PCDH7: variants seen among roughly 807,000 people sequenced by gnomAD.
PCDH7 encodes the protein protocadherin-7.
A neutral mutation model predicts 58.9 loss-of-function variants in PCDH7; 17 were observed. The ratio of observed to expected loss-of-function variants is 0.29; its 90% CI spans 0.20 to 0.43. PCDH7 has a LOEUF of 0.43. Ranked by LOEUF, PCDH7 falls within the 20% of genes least tolerant of loss-of-function variation. The pLI, the probability that PCDH7 is intolerant of heterozygous loss-of-function variation, is 1.00. For missense variants in PCDH7, 1,274 were observed against 1,441.0 expected (o/e 0.88, Z 1.88); for synonymous variants, 664 against 616.4 (o/e 1.08, Z -1.14).
intron 3 of PCDH7, among the ~76,000 whole-genome samples, chr4:31,018,373 G>A (rs1753775399): frequency 6.6e-6 from 1 of 152,124 alleles, no homozygotes; most frequent in South Asian, 2.1e-4. Context: ...ATCTATCTAA[G>A]ACAACATTCT....
At chr4:30,828,833 G>GT (rs1209096895) in intron 1 of PCDH7, among the ~76,000 whole-genome samples, 361 of 147,254 alleles carry the variant, frequency 2.5e-3, no homozygotes, top group Admixed American at 3.7e-3. Context: ...TGGCCCTGAG[G>GT]TTTTTTTTTT....
intron 1 of PCDH7, chr4:30,725,047 G>A: frequency 1.0e-6 from 1 of 1,004,448 alleles, no homozygotes; most frequent in Non-Finnish European, 1.2e-6. Flanking sequence ...AGAAGTTTTA[G>A]CTATGTTATT....
At chr4:30,814,211 G>T (rs938779945) in intron 1 of PCDH7, among the ~76,000 whole-genome samples, 4 of 151,950 alleles carry the variant, frequency 2.6e-5, no homozygotes, top group Non-Finnish European at 4.4e-5. Flanking sequence ...GTGTTTGTGT[G>T]TGTGTGTATA....
At chr4:31,066,075 C>T (rs1366153906) in intron 3 of PCDH7, among the ~76,000 whole-genome samples, 1 of 151,874 alleles carries the variant, frequency 6.6e-6, no homozygotes, top group Non-Finnish European at 1.5e-5. Flanking sequence ...GATCACCATC[C>T]TGTTTCATAT....
chr4:31,057,228 A>G (rs1348723130), intron 3 of PCDH7, among the ~76,000 whole-genome samples: 2 of 152,190 alleles, frequency 1.3e-5, no homozygotes, highest in East Asian at 1.9e-4. Flanking sequence ...TACACCTAGC[A>G]GAAATTGACT....
intron 1 of PCDH7, among the ~76,000 whole-genome samples, chr4:30,846,523 A>G (rs767885537): frequency 5.9e-5 from 9 of 151,332 alleles, no homozygotes; most frequent in Middle Eastern, 3.4e-3. Context: ...GGTCTGTGGT[A>G]TTATGTTATA....
At chr4:30,750,500 G>C (rs1718366220) in intron 1 of PCDH7, among the ~76,000 whole-genome samples, 1 of 152,016 alleles carries the variant, frequency 6.6e-6, no homozygotes, top group Non-Finnish European at 1.5e-5. Context: ...ATTCAACTCT[G>C]TGAATCTGTG....
intron 1 of PCDH7, among the ~76,000 whole-genome samples, chr4:30,804,447 G>A (rs1725922726): frequency 6.6e-6 from 1 of 152,028 alleles, no homozygotes; most frequent in African/African-American, 2.4e-5. Flanking sequence ...GCTGAGGCAG[G>A]GGAATCGCTT....
intron 1 of PCDH7, among the ~76,000 whole-genome samples, chr4:30,750,783 G>A (rs1005446412): frequency 6.6e-5 from 10 of 151,994 alleles, no homozygotes; most frequent in African/African-American, 2.2e-4. Flanking sequence ...TGCCCACCCC[G>A]AAGCAGCTTT....
chr4:30,764,927 G>C (rs111929048), intron 1 of PCDH7, among the ~76,000 whole-genome samples: 55 of 151,992 alleles, frequency 3.6e-4, no homozygotes, highest in African/African-American at 1.3e-3. Flanking sequence ...CACCACGTTG[G>C]TCAGGATGGT....
chr4:30,933,880 T>C (rs1046384617), intron 2 of PCDH7, among the ~76,000 whole-genome samples: 15 of 152,204 alleles, frequency 9.9e-5, no homozygotes, highest in Non-Finnish European at 1.9e-4. Flanking sequence ...CTCGAGGAAA[T>C]GGAGTTTTAG....
Position 30,923,982 on chromosome 4 carries a change from C to G in PCDH7, c.287+3613C>G, listed in dbSNP as rs1019958063. Among the ~76,000 whole-genome samples, 9 of 152,094 alleles carry G rather than the reference C, an allele frequency of 5.9e-5. No individual in the cohort carries two copies. The South Asian group carries it at 1.7e-3, about 28-fold the overall frequency. On this transcript the variant is annotated intron_variant, in intron 2 of 3. Transcript: ENST00000509759. The stretch of plus-strand genomic sequence containing the variant: ...ATGGATTGGTAATTCAAGTTAAAAA[C>G]CAAACATTAGGCTTAAAAGCACCAT...
In PCDH7 at chr4:30,722,479, T is replaced by A; in HGVS notation, c.1057T>A (p.Ser353Thr). 1 of 1,609,018 alleles carries A rather than the reference T, an allele frequency of 6.2e-7. No individual in the cohort carries two copies. The highest frequency in any genetic ancestry group is 8.5e-7 in the Non-Finnish European group (1 of 1,178,044). ...ATACGTGTTCGGGGCGGCCACCGAG[T>A]CGGTGAGGCGGCTGCTGCGCCTTGA... is the stretch of plus-strand genomic sequence containing the variant. The change falls in exon 1 of 2, where the codon TCG becomes ACG. Residue 353 changes from serine (S) to threonine (T), a missense_variant. Transcript: ENST00000361762. The surrounding 1 kb of genome is among the most constrained non-coding windows in gnomAD (Gnocchi z 7.6).
At chr4:31,045,625 T>G (rs1307902033) in intron 3 of PCDH7, among the ~76,000 whole-genome samples, 2 of 152,012 alleles carry the variant, frequency 1.3e-5, no homozygotes, top group Non-Finnish European at 2.9e-5. Context: ...TAATAAAATA[T>G]TTTTGGTTGA....
intron 1 of PCDH7, among the ~76,000 whole-genome samples, chr4:30,859,822 A>G (rs1351209569): frequency 1.3e-5 from 2 of 152,184 alleles, no homozygotes; most frequent in Non-Finnish European, 2.9e-5. Context: ...AAAAGCCAAC[A>G]GGACTTTGCT....
intron 1 of PCDH7, among the ~76,000 whole-genome samples, chr4:30,728,711 T>C (rs1715006490): frequency 1.3e-5 from 2 of 151,790 alleles, no homozygotes; most frequent in South Asian, 4.1e-4. Flanking sequence ...ATGACTTAGA[T>C]GTAAGACCAC....
chr4:30,816,240 C>A (rs1470968690), intron 1 of PCDH7, among the ~76,000 whole-genome samples: 1 of 152,030 alleles, frequency 6.6e-6, no homozygotes, highest in Non-Finnish European at 1.5e-5. Flanking sequence ...TAAAGAAATT[C>A]AAATGATGTC....
chr4:30,736,549 T>C (rs1411191159), downstream of PCDH7, among the ~76,000 whole-genome samples: 1 of 150,154 alleles, frequency 6.7e-6, no homozygotes, highest in Non-Finnish European at 1.5e-5. Flanking sequence ...TTTTTTTTTT[T>C]TTTTGAGACG....
chr4:30,817,796 T>G (rs1727884254), intron 1 of PCDH7, among the ~76,000 whole-genome samples: 1 of 152,062 alleles, frequency 6.6e-6, no homozygotes, highest in African/African-American at 2.4e-5. Context: ...TCCAAATTGG[T>G]CTCCCTGCTT....
Sources: gnomAD v4.1 joint callset for allele counts (sites outside exome capture counted in the v4.1 genomes callset) on GRCh38, gnomAD v4.1.1 for gene constraint, Gnocchi (gnomAD v3.1) non-coding constraint, MANE v1.5 for transcripts, NCBI Gene and HGNC (gene_info 2026-07-23, HGNC 2026-07-21) for gene names.